DCHS2: variants seen among roughly 807,000 people sequenced by gnomAD.
DCHS2 encodes the protein protocadherin-23.
A neutral mutation model predicts 182.4 loss-of-function variants in DCHS2; 142 were observed. That is an observed-to-expected ratio of 0.78 (90% CI 0.68 to 0.89). The LOEUF is 0.89. DCHS2 is among the 40% of genes least tolerant of loss of function. The pLI is 0.00. For missense variants in DCHS2, 4,319 were observed against 4,198.6 expected, an observed-to-expected ratio of 1.03 and a Z score of -0.79; for synonymous variants, 1,740 against 1,663.3, an observed-to-expected ratio of 1.05 and a Z score of -1.12.
chr4:154,382,523 A>G (rs1161714218), intron 1 of DCHS2, among the ~76,000 whole-genome samples: 4 of 152,146 alleles, frequency 2.6e-5, no homozygotes, highest in Admixed American at 2.6e-4. Context: ...GAGCTTCTGC[A>G]CAGTATAAGA....
intron 19 of DCHS2, among the ~76,000 whole-genome samples, chr4:154,238,881 C>T (rs1230888689): frequency 2.0e-5 from 3 of 152,046 alleles, no homozygotes; most frequent in South Asian, 2.1e-4. Flanking sequence ...CTTGGTTGGA[C>T]GGATGCAACT....
At chr4:154,259,451 T>C in intron 15 of DCHS2, 94 bp downstream of exon 15, 1 of 1,525,962 alleles carries the variant, frequency 6.6e-7, no homozygotes, top group South Asian at 1.3e-5. Flanking sequence ...GAAATTTTTA[T>C]GTACATTGAC....
Position 154,234,633 on chromosome 4 carries a change from G to A in DCHS2, c.10019C>T (p.Pro3340Leu), listed in dbSNP as rs761784168. The change falls in exon 20 of 20, where the codon CCT (proline) becomes CTT (leucine). Residue 3340 changes from proline to leucine, a missense_variant. Physicochemically the swap from Pro to Leu is moderately conservative, Grantham distance 98 (BLOSUM62 -3). Coordinates refer to ENST00000357232, the MANE Select transcript of DCHS2 (RefSeq NM_001358235.2). ...PSLSLLTMQPPALSPLLREGE... is the reference protein window; with the variant it reads ...PSLSLLTMQPLALSPLLREGE... ...TTCTCTCAACAGTGGAGACAAGGCA[G>A]GAGGCTGCATCGTCAATAGGGAAAG... 4.3e-6 allele frequency: 7 copies of A among 1,614,046 alleles called. No individual in the cohort carries two copies. The highest frequency in any genetic ancestry group is 1.7e-6 in the Non-Finnish European group (2 of 1,179,952).
Position 154,235,532 on chromosome 4 carries a change from C to T in DCHS2, c.9120G>A (p.Leu3040=), listed in dbSNP as rs368084900. 8.7e-6 allele frequency: 14 copies of T among 1,614,086 alleles called. No individual in the cohort carries two copies. The highest frequency in any genetic ancestry group is 1.2e-5 in the Non-Finnish European group (14 of 1,179,976). The change falls in exon 20 of 20, where the codon TTG becomes TTA. Residue 3040 remains leucine (L), a synonymous_variant. Coordinates refer to ENST00000357232, the MANE Select transcript of DCHS2 (RefSeq NM_001358235.2). The part of the protein sequence containing the change: ...EKKTSSLDAD[L]RVTRDASVLK... ...GCACACTGGCATCCCGGGTCACTCT[C>T]AAGTCCGCATCTAAAGATGAGGTTT...
chr4:154,234,598 A>G lies in DCHS2; in HGVS notation c.10054T>C (p.Leu3352=). 1 of 1,614,004 alleles carries G rather than the reference A, an allele frequency of 6.2e-7. No individual in the cohort carries two copies. The highest frequency in any genetic ancestry group is 1.7e-4 in the Middle Eastern group (1 of 6,052). ...LSPLLREGEL[L]GTHISGTCHE... ...CATGTACCACTGATGTGTGTTCCTA[A>G]TAATTCTCCTTCTCTCAACAGTGGA... is the stretch of plus-strand genomic sequence containing the variant. The change falls in exon 20 of 20, where the codon TTA becomes CTA. Residue 3352 remains leucine (L), a synonymous_variant. Transcript: ENST00000357232.
intron 1 of DCHS2, among the ~76,000 whole-genome samples, chr4:154,434,045 A>G (rs1291082497): frequency 6.6e-6 from 1 of 152,272 alleles, no homozygotes; most frequent in African/African-American, 2.4e-5. Context: ...TATCAGTCAT[A>G]GACATGGATA....
intron 2 of DCHS2, among the ~76,000 whole-genome samples, chr4:154,371,687 C>T (rs1730654066): frequency 6.6e-6 from 1 of 152,134 alleles, no homozygotes; most frequent in Admixed American, 6.5e-5. Context: ...CTGGGAAGGC[C>T]TCAGGAAGCT....
At chr4:154,267,224 G>C (rs1733321160) in intron 14 of DCHS2, among the ~76,000 whole-genome samples, 1 of 152,122 alleles carries the variant, frequency 6.6e-6, no homozygotes, top group African/African-American at 2.4e-5. Context: ...TCAAATACCA[G>C]GCAGGTGTGT....
At chr4:154,371,435 C>G (rs993831231) in intron 2 of DCHS2, among the ~76,000 whole-genome samples, 1 of 151,582 alleles carries the variant, frequency 6.6e-6, no homozygotes, top group Non-Finnish European at 1.5e-5. Context: ...TAATCAGGGC[C>G]GAAAGTTAAA....
intron 1 of DCHS2, among the ~76,000 whole-genome samples, chr4:154,378,244 T>G (rs1731003550): frequency 6.6e-6 from 1 of 152,050 alleles, no homozygotes; most frequent in Non-Finnish European, 1.5e-5. Context: ...GCACTTAACT[T>G]ATTTATACTA....
In DCHS2 at chr4:154,332,617, A is replaced by C. The variant is rs1297014131; in HGVS notation, c.3591T>G (p.Phe1197Leu). 1 of 1,614,238 alleles carries C rather than the reference A, an allele frequency of 6.2e-7. No individual in the cohort carries two copies. Among genetic ancestry groups the C allele is most frequent in the Non-Finnish European group, 8.5e-7 (1 of 1,180,052 alleles). The change falls in exon 5 of 20, where the codon TTT (phenylalanine) becomes TTG (leucine). Residue 1197 changes from phenylalanine (F) to leucine (L), a missense_variant. Physicochemically the swap from Phe to Leu is conservative, Grantham distance 22 (BLOSUM62 0). Coordinates refer to ENST00000357232, the MANE Select transcript of DCHS2 (RefSeq NM_001358235.2). ...GAACAGGGCTCTCTTCGACTTTCAA[A>C]AACAACACATCATGCAAGAAGGTGG... The part of the protein sequence containing the change: ...NSPTFLHDVL[F>L]LKVEESPVPQ...
At chr4:154,371,238 A>G (rs1486902943) in intron 2 of DCHS2, among the ~76,000 whole-genome samples, 5 of 152,074 alleles carry the variant, frequency 3.3e-5, no homozygotes, top group African/African-American at 1.2e-4. Flanking sequence ...TCTATGGTAT[A>G]GTCAGACAAC....
At chr4:154,244,264 GTTATACATACA>G (rs1238114300) in intron 16 of DCHS2, among the ~76,000 whole-genome samples, 2 of 152,114 alleles carry the variant, frequency 1.3e-5, no homozygotes, top group Non-Finnish European at 2.9e-5. Context: ...TTTCCCCAAG[GTTATACATACA>G]TTATATGACA....
At chr4:154,242,139 C>T (rs1356434105) in intron 17 of DCHS2, among the ~76,000 whole-genome samples, 1 of 152,162 alleles carries the variant, frequency 6.6e-6, no homozygotes, top group Non-Finnish European at 1.5e-5. Context: ...ACCAGCATCT[C>T]ACTTAAAAAT....
rs1734810454 is a variant in DCHS2, at chr4:154,457,348, C to A, written c.2052+31956G>T. Among the ~76,000 whole-genome samples the A allele has an allele frequency of 2.6e-5, 4 of 152,158 alleles. No individual in the cohort carries two copies. In the South Asian group the frequency reaches 8.3e-4, roughly 32 times the overall value. ...ACTTTTCTAAATCCATCAAGTCGTGCAAATCATTTTCATGTCTATTACCTT... is the reference window on the plus strand; with the variant it reads ...ACTTTTCTAAATCCATCAAGTCGTGAAAATCATTTTCATGTCTATTACCTT... On this transcript the variant is annotated intron_variant, in intron 1 of 19. Transcript: ENST00000357232.
chr4:154,313,374 G>A (rs1343302381), intron 10 of DCHS2, among the ~76,000 whole-genome samples: 2 of 152,116 alleles, frequency 1.3e-5, no homozygotes, highest in East Asian at 3.9e-4. Context: ...TAAACATTCA[G>A]TGCTCAAATC....
chr4:154,443,045 C>G (rs976304602), intron 1 of DCHS2, among the ~76,000 whole-genome samples: 5 of 152,188 alleles, frequency 3.3e-5, no homozygotes, highest in South Asian at 2.1e-4. Flanking sequence ...CTCTGTCCAG[C>G]CTACTCACTC....
chr4:154,382,651 G>A (rs987490008), intron 1 of DCHS2, among the ~76,000 whole-genome samples: 3 of 151,676 alleles, frequency 2.0e-5, no homozygotes, highest in South Asian at 4.2e-4. Flanking sequence ...TTCAACCAGC[G>A]AAAAACAAAT....
chr4:154,352,492 G>A (rs1024860857), intron 3 of DCHS2: 2 of 152,138 alleles, frequency 1.3e-5, no homozygotes, highest in African/African-American at 2.4e-5. Context: ...TAAATGCAGA[G>A]GGTTCCTCTT....
Sources: allele counts gnomAD v4.1 joint callset (sites outside exome capture counted in the v4.1 genomes callset), GRCh38; gene constraint gnomAD v4.1.1; transcripts MANE v1.5; gene names NCBI Gene and HGNC (gene_info 2026-07-23, HGNC 2026-07-21).